PDILT: variants seen among roughly 807,000 people sequenced by gnomAD.
The protein encoded by PDILT is protein disulfide-isomerase-like protein of the testis.
Under a neutral mutation model 53.7 loss-of-function variants are expected in PDILT, and 43 were observed. The observed-to-expected ratio is 0.80, with a 90% CI of 0.63 to 1.03. The LOEUF is 1.03. Among genes scored for constraint, PDILT ranks in the 50% least tolerant of loss-of-function variants. The pLI is 0.00. For synonymous variants in PDILT, 282 were observed against 274.2 expected, an observed-to-expected ratio of 1.03 and a Z score of -0.28; for missense variants, 727 against 712.3, an observed-to-expected ratio of 1.02 and a Z score of -0.24.
At position 20,399,535 on chromosome 16, in the gene PDILT, C is replaced by T. The variant is rs939974474; in HGVS notation, c.-7-228G>A. On this transcript the variant is annotated intron_variant, in intron 1 of 11. Coordinates refer to ENST00000302451, the MANE Select transcript of PDILT (RefSeq NM_174924.2). ...GGGGAAAGCTTAAAGCAGCAAGAAC[C>T]CACTGGGAGCAGCTGGATGCTGAAG... is the stretch of plus-strand genomic sequence containing the variant. Among the ~76,000 whole-genome samples the T allele has an allele frequency of 6.6e-5, 10 of 152,254 alleles. 1 individual carries two copies. In the South Asian group the frequency reaches 1.9e-3, roughly 28 times the overall value.
intron 9 of PDILT, among the ~76,000 whole-genome samples, chr16:20,363,768 C>T (rs981647792): frequency 6.6e-6 from 1 of 151,932 alleles, no homozygotes; most frequent in South Asian, 2.1e-4. Flanking sequence ...GGAGAACATC[C>T]CCAAGAAGTG....
chr16:20,375,977 T>G, intron 4 of PDILT, 91 bp downstream of exon 4: 1 of 1,506,084 alleles, frequency 6.6e-7, no homozygotes, highest in East Asian at 2.3e-5. Context: ...AATTGGGCAA[T>G]CAAAACGGAA....
At chr16:20,393,452 G>A (rs558391744) in intron 2 of PDILT, among the ~76,000 whole-genome samples, 2 of 152,308 alleles carry the variant, frequency 1.3e-5, no homozygotes, top group East Asian at 3.9e-4. Context: ...TTCAATATTG[G>A]ATGGAGGCAA....
intron 3 of PDILT, among the ~76,000 whole-genome samples, chr16:20,381,634 C>CAAA (rs1034720000): frequency 8.5e-5 from 5 of 58,562 alleles, no homozygotes; most frequent in African/African-American, 1.6e-4. Flanking sequence ...GACTCCATCT[C>CAAA]AAAAAAAAAA....
In PDILT at chr16:20,359,205, C is replaced by T. The variant is rs1310231993; in HGVS notation, c.*114G>A. The T allele has an allele frequency of 7.1e-6, 10 of 1,417,884 alleles. No homozygotes were observed. The Admixed American group carries it at 8.5e-5, about 12-fold the overall frequency. 87.8% of individuals were successfully genotyped at this position (1,417,884 alleles called of 1,614,324 possible). ...TCAGAGGCTTTATTATCCACCCCTACCCCCGCCCCACCTACCCTACCACAA... is the reference window on the plus strand; with the variant it reads ...TCAGAGGCTTTATTATCCACCCCTATCCCCGCCCCACCTACCCTACCACAA... On this transcript the variant is annotated 3_prime_UTR_variant, in exon 12 of 12. Transcript: ENST00000302451.
chr16:20,374,215 A>G (rs1966349466), intron 5 of PDILT, among the ~76,000 whole-genome samples: 1 of 152,034 alleles, frequency 6.6e-6, no homozygotes, highest in Admixed American at 6.6e-5. Context: ...CTAGGATGGT[A>G]TCAATAAAGA....
At chr16:20,378,665 G>A (rs545436591) in intron 3 of PDILT, among the ~76,000 whole-genome samples, 4 of 152,090 alleles carry the variant, frequency 2.6e-5, no homozygotes, top group Non-Finnish European at 4.4e-5. Context: ...CTGTGTCCAT[G>A]TGTTCTCATT....
intron 8 of PDILT, among the ~76,000 whole-genome samples, chr16:20,366,983 C>T (rs570956680): frequency 0.086 from 2,749 of 32,146 alleles, 155 homozygotes; most frequent in South Asian, 0.15. Context: ...TTCCTTCCTT[C>T]CTTCCTTTCT....
At chr16:20,382,707 C>T (rs537637289) in intron 3 of PDILT, among the ~76,000 whole-genome samples, 1 of 152,310 alleles carries the variant, frequency 6.6e-6, no homozygotes, top group Admixed American at 6.5e-5. Flanking sequence ...GCCTTGCAAA[C>T]ATCATTTTAT....
intron 2 of PDILT, among the ~76,000 whole-genome samples, chr16:20,389,724 T>C (rs552852433): frequency 4.6e-5 from 7 of 152,228 alleles, no homozygotes; most frequent in African/African-American, 1.4e-4. Context: ...GCCTGGTCTT[T>C]AGTAGAAAAC....
chr16:20,361,188 C>T (rs1004032142), intron 10 of PDILT, among the ~76,000 whole-genome samples: 41 of 93,044 alleles, frequency 4.4e-4, no homozygotes, highest in African/African-American at 1.7e-3. Flanking sequence ...GTTCCCTTTC[C>T]TCTTTTTTTT....
At chr16:20,385,389 C>G (rs1464899304) in intron 2 of PDILT, among the ~76,000 whole-genome samples, 1 of 152,214 alleles carries the variant, frequency 6.6e-6, no homozygotes, top group African/African-American at 2.4e-5. Flanking sequence ...CCCATTCTGT[C>G]TGGCTGTAGA....
At chr16:20,366,308 C>A (rs1303842062) in intron 8 of PDILT, among the ~76,000 whole-genome samples, 1 of 152,112 alleles carries the variant, frequency 6.6e-6, no homozygotes, top group Non-Finnish European at 1.5e-5. Context: ...TTCCCTCTGG[C>A]TGACAGGCCT....
chr16:20,367,098 TCTTTCTTC>T (rs1346734502), intron 8 of PDILT, among the ~76,000 whole-genome samples: 25 of 103,726 alleles, frequency 2.4e-4, no homozygotes, highest in African/African-American at 8.2e-4. Flanking sequence ...TTTCTTTCTT[TCTTTCTTC>T]CTTTCTTTCC....
intron 9 of PDILT, among the ~76,000 whole-genome samples, chr16:20,364,370 C>T (rs892075162): frequency 2.6e-5 from 4 of 152,200 alleles, no homozygotes; most frequent in African/African-American, 7.2e-5. Context: ...CAGTGTAGCC[C>T]TTGTCTTACC....
intron 1 of PDILT, among the ~76,000 whole-genome samples, chr16:20,403,186 C>T (rs527517812): frequency 4.3e-4 from 65 of 152,296 alleles, no homozygotes; most frequent in Admixed American, 6.5e-4. Context: ...TGTGGTTTCC[C>T]GCCAAGAGGG....
In PDILT at chr16:20,368,988, C is replaced by T. The variant is rs114148424; in HGVS notation, c.1116+504G>A. Among the ~76,000 whole-genome samples, 1,237 of 152,268 alleles carry T rather than the reference C, an allele frequency of 8.1e-3. 15 individuals are homozygous for T. The highest frequency in any genetic ancestry group is 0.027 in the African/African-American group (1,136 of 41,568). On this transcript the variant is annotated intron_variant, in intron 8 of 11. Coordinates refer to ENST00000302451, the MANE Select transcript of PDILT (RefSeq NM_174924.2). ...TGGAGACATAGACAGTGGGTGACTA[C>T]GTGTTCCATGTGTTTCTGCAGCCTC... is the stretch of plus-strand genomic sequence containing the variant.
chr16:20,389,330 T>G (rs776139995), intron 2 of PDILT, among the ~76,000 whole-genome samples: 1 of 152,148 alleles, frequency 6.6e-6, no homozygotes, highest in Non-Finnish European at 1.5e-5. Flanking sequence ...TCATAAAAAG[T>G]GGGGTTATTA....
At position 20,376,203 on chromosome 16, in the gene PDILT, T is replaced by G; in HGVS notation, c.410-2A>C. 1 of 1,614,092 alleles carries G rather than the reference T, an allele frequency of 6.2e-7. No homozygotes were observed. ...CTAAGGCAGCAGATTCAACCACTCCTGGAGAAAGACACAGTCAAATAGATA... is the reference window on the plus strand; with the variant it reads ...CTAAGGCAGCAGATTCAACCACTCCGGGAGAAAGACACAGTCAAATAGATA... On this transcript the variant is annotated splice_acceptor_variant, in intron 3 of 11. Transcript: ENST00000302451. LOFTEE classifies it high-confidence loss of function.
Sources: gnomAD v4.1 joint callset for allele counts (sites outside exome capture counted in the v4.1 genomes callset) on GRCh38, gnomAD v4.1.1 for gene constraint, MANE v1.5 for transcripts, NCBI Gene and HGNC (gene_info 2026-07-23, HGNC 2026-07-21) for gene names.